IGF2BP3: variants seen among roughly 807,000 people sequenced by gnomAD.
IGF2BP3 encodes insulin like growth factor 2 mRNA binding protein 3, also known as insulin-like growth factor 2 mRNA-binding protein 3.
A neutral mutation model predicts 73.8 loss-of-function variants in IGF2BP3; 9 were observed. The ratio of observed to expected loss-of-function variants is 0.12; its 90% confidence interval spans 0.07 to 0.21. IGF2BP3 has a LOEUF of 0.21. Among genes scored for constraint, IGF2BP3 ranks in the 10% least tolerant of loss-of-function variants. The probability of loss-of-function intolerance (pLI) is 1.00; values close to 1 mark genes in which losing one functional copy is unlikely to be tolerated. For synonymous variants in IGF2BP3, 258 were observed against 256.7 expected (o/e 1.01, Z -0.05); for missense variants, 542 against 714.0 (o/e 0.76, Z 2.75).
intron 3 of IGF2BP3, among the ~76,000 whole-genome samples, chr7:23,413,039 T>C (rs943800809): frequency 1.8e-4 from 27 of 150,952 alleles, no homozygotes; most frequent in African/African-American, 5.8e-4. Flanking sequence ...TCTGTATTTT[T>C]AGTTAAGATG....
At position 23,369,124 on chromosome 7, in the gene IGF2BP3, T is replaced by A. The variant is rs191707755; in HGVS notation, c.286-7383A>T. On this transcript the variant is annotated intron_variant, in intron 3 of 14. Coordinates refer to ENST00000258729, the MANE Select transcript of IGF2BP3 (RefSeq NM_006547.3). The stretch of plus-strand genomic sequence containing the variant: ...ACCGGCCTAGTCTGGTTCAGCTTTG[T>A]GTGACAAAATGGTGATTTGTTCTTC... Among the ~76,000 whole-genome samples the A allele has an allele frequency of 3.0e-3, 452 of 152,308 alleles. 6 individuals carry two copies. The South Asian group carries it at 0.034, about 12-fold the overall frequency.
At chr7:23,345,818 T>C (rs552516383) in intron 8 of IGF2BP3, 122 bp downstream of exon 8, 10 of 1,128,530 alleles carry the variant, frequency 8.9e-6, no homozygotes, top group East Asian at 2.4e-5. Flanking sequence ...TGAGAAACCA[T>C]GTGTAAGTAC....
chr7:23,329,708 C>T (rs1393125073), intron 10 of IGF2BP3, among the ~76,000 whole-genome samples: 1 of 152,118 alleles, frequency 6.6e-6, no homozygotes, highest in Non-Finnish European at 1.5e-5. Context: ...ATAACTTTGA[C>T]AAGGGTGAGT....
intron 2 of IGF2BP3, among the ~76,000 whole-genome samples, chr7:23,437,627 AC>A (rs1787836781): frequency 6.6e-6 from 1 of 152,240 alleles, no homozygotes; most frequent in Non-Finnish European, 1.5e-5. Flanking sequence ...AAGCTGCTGT[AC>A]ATGAAAAGTT....
At chr7:23,335,491 A>G (rs77812353) in intron 10 of IGF2BP3, among the ~76,000 whole-genome samples, 7 of 150,564 alleles carry the variant, frequency 4.6e-5, no homozygotes, top group East Asian at 3.9e-4. Flanking sequence ...AGTTCTCCCT[A>G]TGTTGCCCAG....
chr7:23,322,483 T>C (rs1054586337), intron 10 of IGF2BP3, among the ~76,000 whole-genome samples: 1 of 152,114 alleles, frequency 6.6e-6, no homozygotes, highest in Non-Finnish European at 1.5e-5. Flanking sequence ...TGGAACCAAG[T>C]TGGAAAACAC....
chr7:23,366,694 AT>A (rs949584717), intron 3 of IGF2BP3, among the ~76,000 whole-genome samples: 3 of 152,120 alleles, frequency 2.0e-5, no homozygotes, highest in African/African-American at 7.2e-5. Context: ...CCATAGATGG[AT>A]TTCAGTGGAT....
intron 3 of IGF2BP3, among the ~76,000 whole-genome samples, chr7:23,390,246 T>A (rs926300796): frequency 1.3e-5 from 2 of 152,146 alleles, no homozygotes; most frequent in African/African-American, 4.8e-5. Flanking sequence ...TATACCTGCA[T>A]AGAAGTATGA....
chr7:23,316,414 G>C (rs1465868288), intron 12 of IGF2BP3, among the ~76,000 whole-genome samples: 1 of 152,158 alleles, frequency 6.6e-6, no homozygotes, highest in Non-Finnish European at 1.5e-5. Flanking sequence ...GAGCACAGTG[G>C]CTGATGCCTG....
chr7:23,400,784 A>T (rs528111989), intron 3 of IGF2BP3, among the ~76,000 whole-genome samples: 3 of 152,208 alleles, frequency 2.0e-5, no homozygotes, highest in Admixed American at 2.0e-4. Flanking sequence ...GAAGAGCAGA[A>T]GTATTTAAGA....
intron 10 of IGF2BP3, among the ~76,000 whole-genome samples, chr7:23,327,311 C>T (rs1382353950): frequency 2.1e-5 from 3 of 145,108 alleles, no homozygotes; most frequent in Non-Finnish European, 3.0e-5. Flanking sequence ...GACGGAGTCT[C>T]GCTCTGTGGC....
intron 3 of IGF2BP3, among the ~76,000 whole-genome samples, chr7:23,375,697 A>C (rs1425142671): frequency 6.6e-6 from 1 of 152,202 alleles, no homozygotes; most frequent in Non-Finnish European, 1.5e-5. Flanking sequence ...ATAAATGTCC[A>C]CGATTGTATG....
chr7:23,459,767 G>GT (rs1788402482), intron 2 of IGF2BP3, among the ~76,000 whole-genome samples: 2 of 151,994 alleles, frequency 1.3e-5, no homozygotes, highest in Admixed American at 1.3e-4. Context: ...AGAGGAGGAG[G>GT]TTGCAGTGAG....
At chr7:23,436,702 T>C (rs1285168393) in intron 2 of IGF2BP3, among the ~76,000 whole-genome samples, 4 of 152,244 alleles carry the variant, frequency 2.6e-5, no homozygotes, top group Admixed American at 2.6e-4. Context: ...GTATTTCCTA[T>C]ACCACAAAAA....
chr7:23,395,773 A>G (rs377209446), intron 3 of IGF2BP3, among the ~76,000 whole-genome samples: 2 of 151,904 alleles, frequency 1.3e-5, no homozygotes, highest in African/African-American at 4.8e-5. Context: ...TAAAAATACA[A>G]CAATTAGCTG....
At chr7:23,392,772 G>C (rs1786326914) in intron 3 of IGF2BP3, among the ~76,000 whole-genome samples, 1 of 152,066 alleles carries the variant, frequency 6.6e-6, no homozygotes. Context: ...TGGGACTACA[G>C]ACGTGGGCCA....
intron 2 of IGF2BP3, among the ~76,000 whole-genome samples, chr7:23,460,193 AAAAC>A (rs1334211045): frequency 3.3e-5 from 5 of 149,668 alleles, no homozygotes; most frequent in South Asian, 2.1e-4. Context: ...AAAAAAAAAA[AAAAC>A]AAAAACGAAA....
chr7:23,347,376 C>T (rs1294748234), intron 7 of IGF2BP3, among the ~76,000 whole-genome samples: 1 of 152,118 alleles, frequency 6.6e-6, no homozygotes, highest in Non-Finnish European at 1.5e-5. Context: ...AGCTGCATTT[C>T]TCTTCCCCGT....
chr7:23,312,896 T>C, intron 13 of IGF2BP3, 48 bp from the exon 14 acceptor site: 4 of 1,181,270 alleles, frequency 3.4e-6, no homozygotes, highest in South Asian at 1.3e-5. Flanking sequence ...TTTAAAACCT[T>C]ACTTCCTAAG....
Sources: allele counts gnomAD v4.1 joint callset (sites outside exome capture counted in the v4.1 genomes callset), GRCh38; gene constraint gnomAD v4.1.1; transcripts MANE v1.5; gene names NCBI Gene and HGNC (gene_info 2026-07-23, HGNC 2026-07-21).